Variants in TLL1 observed in about 807,000 individuals in gnomAD.
TLL1 encodes tolloid like 1.
Under a neutral mutation model 128.2 loss-of-function variants are expected in TLL1, and 49 were observed. That is an observed-to-expected ratio of 0.38 (90% CI 0.30 to 0.48). TLL1 has a LOEUF of 0.48. TLL1 is among the 20% of genes least tolerant of loss of function. The pLI, the probability that TLL1 is intolerant of heterozygous loss-of-function variation, is 0.96. For missense variants in TLL1, 1,123 were observed against 1,242.0 expected (o/e 0.90, Z 1.44); for synonymous variants, 454 against 418.8 (o/e 1.08, Z -1.03).
chr4:166,066,720 G>T (rs892114539), intron 16 of TLL1, among the ~76,000 whole-genome samples: 3 of 151,640 alleles, frequency 2.0e-5, no homozygotes, highest in Non-Finnish European at 4.4e-5. Flanking sequence ...TGAAGTTAAT[G>T]GTTCACAAGC....
At chr4:166,059,369 A>G (rs1461390766) in intron 14 of TLL1, among the ~76,000 whole-genome samples, 2 of 152,144 alleles carry the variant, frequency 1.3e-5, no homozygotes, top group African/African-American at 4.8e-5. Context: ...TTCACTGTCA[A>G]TAAGGAAGAG....
chr4:165,876,377 G>A (rs1730723552), intron 1 of TLL1, among the ~76,000 whole-genome samples: 1 of 152,176 alleles, frequency 6.6e-6, no homozygotes, highest in African/African-American at 2.4e-5. Context: ...ATGGGGACGG[G>A]TCTGTGAAAG....
In TLL1 at chr4:165,912,857, A is replaced by G. The variant is rs186703917; in HGVS notation, c.169+38784A>G. On this transcript the variant is annotated intron_variant, in intron 1 of 20. Coordinates refer to ENST00000061240, the MANE Select transcript of TLL1 (RefSeq NM_012464.5). Reference sequence around the variant, plus strand: ...CATAGAAAATTACATTTGAAATTACATTTCCCATAGAGGTGCTTATCTTAC... The same window carrying G: ...CATAGAAAATTACATTTGAAATTACGTTTCCCATAGAGGTGCTTATCTTAC... Among the ~76,000 whole-genome samples the G allele has an allele frequency of 2.6e-4, 39 of 151,860 alleles. No individual in the cohort carries two copies. In the East Asian group the frequency reaches 6.8e-3, roughly 27 times the overall value.
rs538029370 is a variant in TLL1, at chr4:166,055,546, A to G, written c.1720+275A>G. Among the ~76,000 whole-genome samples the G allele has an allele frequency of 9.8e-5, 15 of 152,330 alleles. No homozygotes were observed. The South Asian group carries it at 1.9e-3, about 19-fold the overall frequency. ...CAGAAAAGGATATACAGACAGAAAG[A>G]AAATATTTGCAATGAAAATAACCAA... On this transcript the variant is annotated intron_variant, in intron 13 of 20. Transcript: ENST00000061240.
chr4:166,063,234 G>GA (rs1200843757), intron 15 of TLL1, among the ~76,000 whole-genome samples: 15 of 152,184 alleles, frequency 9.9e-5, no homozygotes, highest in African/African-American at 3.6e-4. Flanking sequence ...ACAGACACAT[G>GA]AAAAAATGCT....
intron 6 of TLL1, among the ~76,000 whole-genome samples, chr4:166,006,963 G>A (rs77651984): frequency 0.013 from 2,040 of 151,540 alleles, 43 homozygotes; most frequent in African/African-American, 0.047. Flanking sequence ...TATGACAGTT[G>A]GAATTAAAAA....
intron 1 of TLL1, among the ~76,000 whole-genome samples, chr4:165,887,125 G>A (rs1731195934): frequency 6.6e-6 from 1 of 152,186 alleles, no homozygotes; most frequent in South Asian, 2.1e-4. Context: ...CCCAGGGTGT[G>A]ACCTTGATCC....
At chr4:166,095,977 A>G (rs1741998148) in intron 19 of TLL1, among the ~76,000 whole-genome samples, 1 of 152,128 alleles carries the variant, frequency 6.6e-6, no homozygotes, top group Non-Finnish European at 1.5e-5. Flanking sequence ...AAAATGACCT[A>G]TTACAATAAA....
chr4:165,940,075 T>G (rs1188882220), intron 1 of TLL1, among the ~76,000 whole-genome samples: 1 of 152,088 alleles, frequency 6.6e-6, no homozygotes, highest in African/African-American at 2.4e-5. Flanking sequence ...TCTTCTGTCT[T>G]TTCATCAGTG....
intron 12 of TLL1, chr4:166,053,078 TTTA>T (rs1451709991): frequency 1.1e-4 from 16 of 150,924 alleles, no homozygotes; most frequent in Non-Finnish European, 1.9e-4. Context: ...ATATTTTCCA[TTTA>T]TTCCCATAAT....
intron 1 of TLL1, among the ~76,000 whole-genome samples, chr4:165,966,609 A>G (rs11736820): frequency 0.56 from 85,552 of 151,926 alleles, 26,687 homozygotes; most frequent in Admixed American, 0.71. Context: ...AGACTACAAA[A>G]GAGAGAAATT....
At chr4:165,933,984 C>T (rs1733651064) in intron 1 of TLL1, among the ~76,000 whole-genome samples, 1 of 151,990 alleles carries the variant, frequency 6.6e-6, no homozygotes, top group Non-Finnish European at 1.5e-5. Flanking sequence ...CCACCTTCCA[C>T]TGGTGACGTT....
intron 5 of TLL1, among the ~76,000 whole-genome samples, chr4:166,001,942 AATT>A (rs1371102369): frequency 1.2e-4 from 19 of 152,212 alleles, no homozygotes; most frequent in Admixed American, 1.2e-3. Context: ...AATCAATCTC[AATT>A]ATTAGACTGC....
chr4:166,016,452 T>G (rs1219649696), intron 8 of TLL1, among the ~76,000 whole-genome samples: 1 of 152,072 alleles, frequency 6.6e-6, no homozygotes, highest in African/African-American at 2.4e-5. Context: ...CACTGAACTG[T>G]AGGAAAGTCA....
intron 4 of TLL1, 91 bp from the exon 5 acceptor site, chr4:165,994,970 A>T: frequency 2.0e-6 from 2 of 1,009,902 alleles, no homozygotes; most frequent in South Asian, 1.3e-5. Context: ...GGCATTCTGC[A>T]CTGCTCAGCC....
intron 20 of TLL1, among the ~76,000 whole-genome samples, chr4:166,100,019 C>A (rs1742218770): frequency 6.6e-6 from 1 of 152,144 alleles, no homozygotes; most frequent in African/African-American, 2.4e-5. Context: ...TGTTCCATTG[C>A]AGAGTGTCAC....
At chr4:165,944,554 A>C (rs564540688) in intron 1 of TLL1, among the ~76,000 whole-genome samples, 1 of 152,208 alleles carries the variant, frequency 6.6e-6, no homozygotes, top group East Asian at 1.9e-4. Flanking sequence ...TTTCTTTCAC[A>C]GTATAAAGAG....
At chr4:166,020,592 T>G (rs1738175894) in intron 8 of TLL1, among the ~76,000 whole-genome samples, 1 of 152,178 alleles carries the variant, frequency 6.6e-6, no homozygotes, top group Admixed American at 6.5e-5. Flanking sequence ...CACTTTACCC[T>G]ACTCATAGGA....
intron 1 of TLL1, among the ~76,000 whole-genome samples, chr4:165,920,285 A>G (rs1030758493): frequency 4.6e-5 from 7 of 152,194 alleles, no homozygotes; most frequent in Non-Finnish European, 8.8e-5. Context: ...AGAGAGCTTT[A>G]TTTGTCAGGC....
Sources: allele counts gnomAD v4.1 joint callset (sites outside exome capture counted in the v4.1 genomes callset), GRCh38; gene constraint gnomAD v4.1.1; transcripts MANE v1.5; gene names NCBI Gene and HGNC (gene_info 2026-07-23, HGNC 2026-07-21).